CCDC88C: variants seen among roughly 807,000 people sequenced by gnomAD.
The protein encoded by CCDC88C is protein Daple.
CCDC88C carries 131 observed loss-of-function variants against 198.8 expected under a neutral mutation model. The ratio of observed to expected loss-of-function variants is 0.66; its 90% CI spans 0.57 to 0.76. The LOEUF is 0.76. Ranked by LOEUF, CCDC88C falls within the 30% of genes least tolerant of loss-of-function variation. The probability of loss-of-function intolerance (pLI) is 0.00; values close to 1 mark genes in which losing one functional copy is unlikely to be tolerated. For synonymous variants in CCDC88C, 1,166 were observed against 1,114.7 expected (o/e 1.05, Z -0.92); for missense variants, 2,553 against 2,631.6 (o/e 0.97, Z 0.65).
At chr14:91,415,093 T>C (rs942792570) in intron 2 of CCDC88C, among the ~76,000 whole-genome samples, 11 of 152,190 alleles carry the variant, frequency 7.2e-5, no homozygotes, top group Admixed American at 3.3e-4. Flanking sequence ...TACTGCTGGT[T>C]TTTTTAATTA....
chr14:91,291,024 T>C lies in CCDC88C; in HGVS notation c.4173A>G (p.Gln1391=), dbSNP rs150323220. The change falls in exon 24 of 30, where the codon CAA becomes CAG. Residue 1391 remains glutamine, a synonymous_variant. Transcript: ENST00000389857. The part of the protein sequence containing the change: ...KEKLEEKIMD[Q]YKFYDPPPKK... ...TTGGAGGAGGATCATAGAACTTGTA[T>C]TGATCCATGATTTTTTCTTCCAGCT... 9.2e-5 allele frequency: 147 copies of C among 1,592,008 alleles called. No individual in the cohort carries two copies. The African/African-American group carries it at 1.0e-3, about 11-fold the overall frequency.
chr14:91,313,750 G>T lies in CCDC88C; in HGVS notation c.2066C>A (p.Ser689Tyr), dbSNP rs185401166. 2.7e-5 allele frequency: 44 copies of T among 1,608,318 alleles called. No individual in the cohort carries two copies. The highest frequency in any genetic ancestry group is 3.6e-5 in the Non-Finnish European group (43 of 1,179,760). The change falls in exon 15 of 30, where the codon TCC becomes TAC. Residue 689 changes from serine (S) to tyrosine (Y), a missense_variant. Physicochemically the swap from Ser to Tyr is moderately radical, Grantham distance 144. Transcript: ENST00000389857. The surrounding 1 kb of genome is among the most constrained non-coding windows in gnomAD (Gnocchi z 5.2). The part of the protein sequence containing the change: ...RKSLDTLQNV[S>Y]LQLEGLERDN... Reference sequence around the variant, plus strand: ...ACGCTCCAGGCCCTCAAGCTGCAGGGACACGTTCTGCAAGGTGTCCAGAGA... The same window carrying T: ...ACGCTCCAGGCCCTCAAGCTGCAGGTACACGTTCTGCAAGGTGTCCAGAGA...
intron 2 of CCDC88C, among the ~76,000 whole-genome samples, chr14:91,415,722 A>C (rs1329945056): frequency 1.5e-5 from 2 of 133,294 alleles, no homozygotes; most frequent in African/African-American, 6.2e-5. Flanking sequence ...CTCCGTCTCC[A>C]AAAAAAAAAA....
At chr14:91,373,794 C>A (rs1894946956) in intron 3 of CCDC88C, among the ~76,000 whole-genome samples, 1 of 152,204 alleles carries the variant, frequency 6.6e-6, no homozygotes, top group Admixed American at 6.5e-5. Flanking sequence ...CAGCAGCTGT[C>A]CAAGTTGGGG....
chr14:91,310,078 C>G, intron 15 of CCDC88C, 92 bp from the exon 16 acceptor site: 2 of 1,340,658 alleles, frequency 1.5e-6, no homozygotes, highest in Non-Finnish European at 2.0e-6. Context: ...AGCAACTGTC[C>G]TCCCGGGCCA....
chr14:91,328,053 T>C (rs1892650230), intron 10 of CCDC88C, among the ~76,000 whole-genome samples: 2 of 152,338 alleles, frequency 1.3e-5, no homozygotes, highest in Admixed American at 6.5e-5. Context: ...TGTTGTGCTT[T>C]TGCTCTTGTG....
chr14:91,404,240 C>A (rs924938320), intron 3 of CCDC88C, among the ~76,000 whole-genome samples: 1 of 152,238 alleles, frequency 6.6e-6, no homozygotes, highest in Non-Finnish European at 1.5e-5. Flanking sequence ...TCAGCTACCC[C>A]CTCAACACCC....
At chr14:91,333,935 C>T (rs941775391) in intron 10 of CCDC88C, among the ~76,000 whole-genome samples, 20 of 152,206 alleles carry the variant, frequency 1.3e-4, no homozygotes, top group African/African-American at 3.9e-4. Flanking sequence ...TGTGGTTGAC[C>T]AGGTGTGCAC....
At chr14:91,281,275 G>A in intron 27 of CCDC88C, 182 bp downstream of exon 27, 1 of 1,470,620 alleles carries the variant, frequency 6.8e-7, no homozygotes, top group Non-Finnish European at 9.2e-7. Flanking sequence ...CCCACCACTG[G>A]AGGTATGTAA....
chr14:91,281,258 C>T (rs1397104891), intron 27 of CCDC88C, 199 bp downstream of exon 27: 58 of 1,366,664 alleles, frequency 4.2e-5, no homozygotes, highest in East Asian at 5.6e-5. Flanking sequence ...TGGGAGGTAG[C>T]GAATTCCCCA....
intron 6 of CCDC88C, among the ~76,000 whole-genome samples, chr14:91,340,304 G>A (rs1299545244): frequency 6.6e-6 from 1 of 151,910 alleles, no homozygotes; most frequent in Non-Finnish European, 1.5e-5. Flanking sequence ...TAGGGTCCTG[G>A]GATAAGATAT....
chr14:91,334,805 C>T (rs1186099878), intron 10 of CCDC88C, among the ~76,000 whole-genome samples: 1 of 152,156 alleles, frequency 6.6e-6, no homozygotes, highest in Non-Finnish European at 1.5e-5. Context: ...GCATCTGCCA[C>T]CGGGGGCAAG....
At chr14:91,386,210 G>A (rs113530009) in intron 3 of CCDC88C, among the ~76,000 whole-genome samples, 16 of 151,252 alleles carry the variant, frequency 1.1e-4, no homozygotes, top group Admixed American at 2.6e-4. Context: ...TTGGGAGGCC[G>A]AGGTGGGTGG....
intron 2 of CCDC88C, among the ~76,000 whole-genome samples, chr14:91,414,885 C>T (rs917434671): frequency 6.6e-5 from 10 of 152,148 alleles, no homozygotes; most frequent in South Asian, 2.1e-4. Flanking sequence ...CCACCCCGGC[C>T]GAATTTAGCC....
chr14:91,299,808 G>C, intron 21 of CCDC88C, 119 bp downstream of exon 21: 1 of 1,320,802 alleles, frequency 7.6e-7, no homozygotes, highest in Non-Finnish European at 1.0e-6. Flanking sequence ...TGTTCACACA[G>C]CAAGGGATAA....
chr14:91,283,518 C>A lies in CCDC88C; in HGVS notation c.4442-1G>T. 1 of 1,607,074 alleles carries A rather than the reference C, an allele frequency of 6.2e-7. No individual in the cohort carries two copies. Among genetic ancestry groups the A allele is most frequent in the Admixed American group, 1.7e-5 (1 of 58,788 alleles). On this transcript the variant is annotated splice_acceptor_variant, in intron 25 of 29. Coordinates refer to ENST00000389857, the MANE Select transcript of CCDC88C (RefSeq NM_001080414.4). LOFTEE classifies it high-confidence loss of function. Reference sequence around the variant, plus strand: ...CGCTTTGGTTTTAGATCCCCAGGGCCTGAGGCAGAAGAGGACATTGAGAAA... The same window carrying A: ...CGCTTTGGTTTTAGATCCCCAGGGCATGAGGCAGAAGAGGACATTGAGAAA...
intron 27 of CCDC88C, 155 bp downstream of exon 27, chr14:91,281,302 C>T (rs1213221596): frequency 1.3e-6 from 2 of 1,525,336 alleles, no homozygotes; most frequent in Non-Finnish European, 1.8e-6. Flanking sequence ...GCTACACGCT[C>T]AGCCCCCTGG....
Position 91,416,748 on chromosome 14 carries a change from T to C in CCDC88C, c.151A>G (p.Met51Val). 1 of 1,608,528 alleles carries C rather than the reference T, an allele frequency of 6.2e-7. No individual in the cohort carries two copies. The highest frequency in any genetic ancestry group is 8.5e-7 in the Non-Finnish European group (1 of 1,175,254). ...LVDGIFLNQI[M>V]LQIDPRPTNQ... ...AAGAAGGTAACTTACATTTGCAGCA[T>C]AATTTGGTTCAAAAAGATGCCGTCC... is the stretch of plus-strand genomic sequence containing the variant. Residue 51 changes from methionine (M) to valine (V), a missense_variant, in exon 2 of 30, where the codon ATG becomes GTG. By Grantham distance (21) the Met-to-Val change is conservative. This residue lies in a region of CCDC88C where 1,260 missense variants were observed against 1,412.0 expected (regional missense o/e 0.89). Transcript: ENST00000389857.
chr14:91,318,092 CATT>C lies in CCDC88C; in HGVS notation c.1528-2308_1528-2306del, dbSNP rs1368338975. 3.2e-3 allele frequency among the ~76,000 whole-genome samples: 481 copies of C among 152,334 alleles called. 3 individuals carry two copies. The highest frequency in any genetic ancestry group is 0.011 in the African/African-American group (456 of 41,580). On this transcript the variant is annotated intron_variant, in intron 13 of 29. Transcript: ENST00000389857. ...AAGGTTGGGCTGCCACTTATGAAGA[CATT>C]TCCCGTGCTAGGCCCACATGAATCT...
Sources: allele counts gnomAD v4.1 joint callset (sites outside exome capture counted in the v4.1 genomes callset), GRCh38; gene constraint gnomAD v4.1.1; regional missense constraint gnomAD v4.1.1; non-coding constraint Gnocchi (gnomAD v3.1); transcripts MANE v1.5; gene names NCBI Gene and HGNC (gene_info 2026-07-23, HGNC 2026-07-21).